CNTN3: variants seen among roughly 807,000 people sequenced by gnomAD.
CNTN3 encodes the protein contactin-3.
A neutral mutation model predicts 119.1 loss-of-function variants in CNTN3; 60 were observed. The ratio of observed to expected loss-of-function variants is 0.50; its 90% CI spans 0.41 to 0.62. The LOEUF (loss-of-function observed/expected upper bound fraction) is 0.62, where lower values mean the gene tolerates loss of function less well. CNTN3 is among the 20% of genes least tolerant of loss of function. The probability of loss-of-function intolerance (pLI) is 0.00; values close to 1 mark genes in which losing one functional copy is unlikely to be tolerated. For synonymous variants in CNTN3, 450 were observed against 438.7 expected (o/e 1.03, Z -0.32); for missense variants, 1,101 against 1,242.4 (o/e 0.89, Z 1.71).
chr3:74,323,571 A>G (rs1283362587), intron 13 of CNTN3, among the ~76,000 whole-genome samples: 1 of 152,220 alleles, frequency 6.6e-6, no homozygotes, highest in Non-Finnish European at 1.5e-5. Context: ...ACTGCATCTT[A>G]TACTTTAAGT....
chr3:74,306,991 C>A (rs984720824), intron 13 of CNTN3, among the ~76,000 whole-genome samples: 6 of 152,074 alleles, frequency 3.9e-5, no homozygotes, highest in Non-Finnish European at 7.4e-5. Context: ...TTGGGGGAAT[C>A]TAGAACTTTT....
intron 20 of CNTN3, among the ~76,000 whole-genome samples, chr3:74,280,571 G>A (rs1575694405): frequency 6.6e-6 from 1 of 152,316 alleles, no homozygotes; most frequent in South Asian, 2.1e-4. Context: ...TTCTCTTGAG[G>A]TGCTGGTGGC....
intron 5 of CNTN3, among the ~76,000 whole-genome samples, chr3:74,395,030 AT>A (rs901736146): frequency 3.3e-5 from 5 of 151,918 alleles, no homozygotes; most frequent in South Asian, 4.2e-4. Context: ...TAATCTAATG[AT>A]TTTTTTTAAA....
intron 4 of CNTN3, among the ~76,000 whole-genome samples, chr3:74,436,918 C>T (rs916217894): frequency 2.6e-5 from 4 of 152,042 alleles, no homozygotes; most frequent in Middle Eastern, 6.3e-3. Flanking sequence ...TCCTACTGTC[C>T]AACCCTTTCT....
chr3:74,590,262 G>A (rs1559670575), intron 1 of CNTN3, among the ~76,000 whole-genome samples: 1 of 151,858 alleles, frequency 6.6e-6, no homozygotes, highest in Non-Finnish European at 1.5e-5. Flanking sequence ...ATTTGACTTG[G>A]GTATCTGACA....
rs149691179 is a variant in CNTN3, at chr3:74,371,206, T to C, written c.648A>G (p.Leu216=). The change falls in exon 6 of 23, where the codon CTA becomes CTG. Residue 216 remains leucine, a synonymous_variant. Transcript: ENST00000263665. ...RVLGSPTPLV[L]RSDGVMGEYE... is the part of the protein sequence containing the mutation. ...GAGAAGTTTCATTACCATCAGAACG[T>C]AGCACCAAAGGAGTTGGAGAGCCCA... is the stretch of plus-strand genomic sequence containing the variant. 6.8e-6 allele frequency: 11 copies of C among 1,612,558 alleles called. No individual in the cohort carries two copies. The African/African-American group carries it at 1.1e-4, about 16-fold the overall frequency.
At chr3:74,461,074 A>G (rs2106973619) in intron 4 of CNTN3, among the ~76,000 whole-genome samples, 1 of 151,898 alleles carries the variant, frequency 6.6e-6, no homozygotes, top group African/African-American at 2.4e-5. Flanking sequence ...AATTTTATCA[A>G]AGGCTTTTTA....
intron 1 of CNTN3, among the ~76,000 whole-genome samples, chr3:74,596,011 T>G (rs987010246): frequency 6.6e-6 from 1 of 152,138 alleles, no homozygotes; most frequent in Non-Finnish European, 1.5e-5. Flanking sequence ...ACAAAATCAA[T>G]GTACAAAAAT....
At chr3:74,376,545 C>T (rs576030377) in intron 5 of CNTN3, among the ~76,000 whole-genome samples, 1 of 152,282 alleles carries the variant, frequency 6.6e-6, no homozygotes, top group Non-Finnish European at 1.5e-5. Context: ...TGGGGCCATC[C>T]AGTTGCAGGA....
intron 12 of CNTN3, 147 bp downstream of exon 12, chr3:74,336,384 T>A: frequency 1.2e-6 from 1 of 824,974 alleles, no homozygotes; most frequent in Non-Finnish European, 1.9e-6. Flanking sequence ...TTCCCTTGAC[T>A]TTCACCTGTT....
At position 74,285,437 on chromosome 3, in the gene CNTN3, C is replaced by G. The variant is rs571938247; in HGVS notation, c.2572G>C (p.Ala858Pro). ...AGTCTGGCTGATGTCTCATTTCCTG[C>G]CACTTTCATCTTACTGGATGATTCC... ...KEESSSKMKV[A>P]GNETSARLRG... Residue 858 changes from alanine to proline, a missense_variant, in exon 20 of 23, where the codon GCA (alanine) becomes CCA (proline). By Grantham distance (27) the Ala-to-Pro change is conservative. Transcript: ENST00000263665. 1 of 1,613,054 alleles carries G rather than the reference C, an allele frequency of 6.2e-7. No individual in the cohort carries two copies. Among genetic ancestry groups the G allele is most frequent in the African/African-American group, 1.3e-5 (1 of 74,908 alleles).
At chr3:74,396,411 A>T (rs1705055049) in intron 5 of CNTN3, among the ~76,000 whole-genome samples, 1 of 152,212 alleles carries the variant, frequency 6.6e-6, no homozygotes, top group Admixed American at 6.5e-5. Flanking sequence ...GTGAAGATCA[A>T]ACCAGTGACA....
intron 4 of CNTN3, among the ~76,000 whole-genome samples, chr3:74,475,503 C>T (rs75345492): frequency 0.013 from 1,939 of 152,168 alleles, 38 homozygotes; most frequent in African/African-American, 0.043. Flanking sequence ...AGAAATAAGA[C>T]GTTTTGCACA....
chr3:74,475,150 C>T (rs1339370313), intron 4 of CNTN3, among the ~76,000 whole-genome samples: 1 of 151,950 alleles, frequency 6.6e-6, no homozygotes, highest in African/African-American at 2.4e-5. Flanking sequence ...CCTAATACTC[C>T]TTATTGCTTA....
intron 4 of CNTN3, among the ~76,000 whole-genome samples, chr3:74,446,680 C>CTTG (rs1273487243): frequency 6.3e-5 from 3 of 47,918 alleles, no homozygotes; most frequent in Non-Finnish European, 1.1e-4. Context: ...GTTAATTTTA[C>CTTG]TTGTTTTTTT....
At position 74,376,504 on chromosome 3, in the gene CNTN3, T is replaced by C. The variant is rs1273836671; in HGVS notation, c.455-5105A>G. On this transcript the variant is annotated intron_variant, in intron 5 of 22. Coordinates refer to ENST00000263665, the MANE Select transcript of CNTN3 (RefSeq NM_020872.3). ...CTCCTTATGAAAATCTAATGCCTGC[T>C]GATCTGTCACTGTCTCCCATCACCC... Among the ~76,000 whole-genome samples the C allele has an allele frequency of 2.0e-5, 3 of 152,192 alleles. No individual in the cohort carries two copies. In the East Asian group the frequency reaches 5.8e-4, roughly 29 times the overall value.
intron 5 of CNTN3, among the ~76,000 whole-genome samples, chr3:74,379,737 A>G (rs1165707678): frequency 6.6e-6 from 1 of 152,162 alleles, no homozygotes; most frequent in Non-Finnish European, 1.5e-5. Flanking sequence ...AAGAAGTGTA[A>G]TGATGGGACC....
At chr3:74,331,143 C>G (rs544286452) in intron 13 of CNTN3, among the ~76,000 whole-genome samples, 1 of 152,346 alleles carries the variant, frequency 6.6e-6, no homozygotes, top group East Asian at 1.9e-4. Context: ...TCACCACTCA[C>G]TCACTGACAC....
At chr3:74,568,565 T>C (rs1435641276) in intron 1 of CNTN3, among the ~76,000 whole-genome samples, 1 of 152,176 alleles carries the variant, frequency 6.6e-6, no homozygotes, top group East Asian at 1.9e-4. Flanking sequence ...GTTTTCAAGA[T>C]GCTCAGAGTA....
Sources: allele counts gnomAD v4.1 joint callset (sites outside exome capture counted in the v4.1 genomes callset), GRCh38; gene constraint gnomAD v4.1.1; transcripts MANE v1.5; gene names NCBI Gene and HGNC (gene_info 2026-07-23, HGNC 2026-07-21).